The following FSHR variants were observed in gnomAD, a reference collection of about 807,000 sequenced individuals.
FSHR encodes the protein follicle-stimulating hormone receptor.
A neutral mutation model predicts 52.1 loss-of-function variants in FSHR; 46 were observed. The observed-to-expected ratio is 0.88, with a 90% CI of 0.70 to 1.13. The LOEUF is 1.13. Among genes scored for constraint, FSHR ranks in the 50% most tolerant of loss-of-function variants. The pLI is 0.00. For missense variants in FSHR, 964 were observed against 834.6 expected (o/e 1.16, Z -1.91); for synonymous variants, 399 against 309.6 (o/e 1.29, Z -3.03).
intron 2 of FSHR, among the ~76,000 whole-genome samples, chr2:49,061,324 A>G (rs1669280040): frequency 6.6e-6 from 1 of 151,994 alleles, no homozygotes; most frequent in African/African-American, 2.4e-5. Flanking sequence ...TCACCTGTAA[A>G]GACAAATATA....
At chr2:49,073,020 A>G (rs928681070) in intron 1 of FSHR, among the ~76,000 whole-genome samples, 1 of 152,150 alleles carries the variant, frequency 6.6e-6, no homozygotes, top group Non-Finnish European at 1.5e-5. Context: ...AAATATAGAT[A>G]AAGGCATTAT....
chr2:49,045,786 T>C (rs1324385003), intron 2 of FSHR, among the ~76,000 whole-genome samples: 1 of 152,178 alleles, frequency 6.6e-6, no homozygotes, highest in Non-Finnish European at 1.5e-5. Flanking sequence ...TGCCAAGTGC[T>C]CAACGCTGAG....
chr2:49,146,779 C>T (rs1350490692), intron 1 of FSHR, among the ~76,000 whole-genome samples: 1 of 152,050 alleles, frequency 6.6e-6, no homozygotes, highest in Non-Finnish European at 1.5e-5. Flanking sequence ...GATGAGTTTT[C>T]TCTCAATATC....
chr2:48,968,932 T>C (rs1674607052), intron 8 of FSHR, 49 bp from the exon 9 acceptor site: 1 of 1,562,520 alleles, frequency 6.4e-7, no homozygotes, highest in Non-Finnish European at 8.8e-7. Flanking sequence ...GACCTAAAAC[T>C]TTCTGCTCTT....
chr2:49,014,962 T>G (rs780880781), intron 4 of FSHR: 3 of 462,286 alleles, frequency 6.5e-6, no homozygotes, highest in Non-Finnish European at 8.9e-6. Context: ...AAGGGAGAGA[T>G]AGAGTTGGGA....
chr2:48,994,518 G>C (rs1675932336), intron 4 of FSHR, among the ~76,000 whole-genome samples: 1 of 152,046 alleles, frequency 6.6e-6, no homozygotes, highest in Non-Finnish European at 1.5e-5. Flanking sequence ...ATGGATTATT[G>C]GTGATAATTC....
intron 2 of FSHR, among the ~76,000 whole-genome samples, chr2:49,031,938 A>T (rs1284490534): frequency 1.3e-5 from 2 of 152,220 alleles, no homozygotes; most frequent in Non-Finnish European, 2.9e-5. Context: ...TAGTCTAGTG[A>T]CTATAAATCC....
At chr2:49,008,933 T>C (rs969213007) in intron 4 of FSHR, among the ~76,000 whole-genome samples, 1 of 152,146 alleles carries the variant, frequency 6.6e-6, no homozygotes, top group Non-Finnish European at 1.5e-5. Flanking sequence ...ACTAGCCCTT[T>C]GTCAGATAAG....
intron 4 of FSHR, among the ~76,000 whole-genome samples, chr2:49,004,035 C>T (rs926979395): frequency 5.3e-5 from 8 of 152,164 alleles, no homozygotes; most frequent in Admixed American, 2.6e-4. Flanking sequence ...GTTTATTTTC[C>T]ATGGAGGTGG....
intron 1 of FSHR, among the ~76,000 whole-genome samples, chr2:49,091,838 C>T (rs1360241138): frequency 4.6e-5 from 7 of 152,076 alleles, no homozygotes; most frequent in Non-Finnish European, 1.0e-4. Flanking sequence ...TCTTCTTTGT[C>T]AAAATTATTT....
intron 1 of FSHR, among the ~76,000 whole-genome samples, chr2:49,103,374 C>T (rs1671103700): frequency 6.6e-6 from 1 of 152,172 alleles, no homozygotes; most frequent in Admixed American, 6.5e-5. Context: ...TCTCACAACA[C>T]AGTCAGTCAT....
intron 1 of FSHR, among the ~76,000 whole-genome samples, chr2:49,139,758 C>G (rs1016782893): frequency 2.6e-5 from 4 of 151,808 alleles, no homozygotes; most frequent in Admixed American, 6.6e-5. Context: ...TGACCATGCC[C>G]GGCTAACTTT....
At chr2:49,048,269 A>G (rs1668731277) in intron 2 of FSHR, among the ~76,000 whole-genome samples, 1 of 152,082 alleles carries the variant, frequency 6.6e-6, no homozygotes, top group Non-Finnish European at 1.5e-5. Flanking sequence ...TGATAAAAAA[A>G]AAGTAAAATA....
intron 2 of FSHR, among the ~76,000 whole-genome samples, chr2:49,026,488 C>G (rs991799510): frequency 1.3e-5 from 2 of 152,152 alleles, no homozygotes; most frequent in Non-Finnish European, 2.9e-5. Flanking sequence ...GGGTGGCACA[C>G]AGAAGTTCAG....
chr2:49,053,073 T>C (rs1489336353), intron 2 of FSHR, among the ~76,000 whole-genome samples: 1 of 152,168 alleles, frequency 6.6e-6, no homozygotes, highest in African/African-American at 2.4e-5. Context: ...GAGGCTGGAG[T>C]GTCAGACTAG....
Position 49,154,304 on chromosome 2 carries a change from T to C in FSHR, c.114A>G (p.Thr38=). ...TCCTCGGGAGGTCAGAAGGAATCTCTGTCACCTTGCTCTCTTGGCAGAGAA... is the reference window on the plus strand; with the variant it reads ...TCCTCGGGAGGTCAGAAGGAATCTCCGTCACCTTGCTCTCTTGGCAGAGAA... ...RVFLCQESKV[T]EIPSDLPRNA... Residue 38 remains threonine (T), a synonymous_variant, in exon 1 of 10, where the codon ACA becomes ACG. Coordinates refer to ENST00000406846, the MANE Select transcript of FSHR (RefSeq NM_000145.4). The C allele has an allele frequency of 1.2e-6, 2 of 1,613,948 alleles. No homozygotes were observed.
Position 48,963,712 on chromosome 2 carries a change from C to CATAT in FSHR, c.1105_1108dup (p.Trp370TyrfsTer25). 1 of 1,614,112 alleles carries CATAT rather than the reference C, an allele frequency of 6.2e-7. No individual in the cohort carries two copies. Among genetic ancestry groups the CATAT allele is most frequent in the Non-Finnish European group, 8.5e-7 (1 of 1,180,004 alleles). On this transcript the variant is annotated frameshift_variant, in exon 10 of 10. Coordinates refer to ENST00000406846, the MANE Select transcript of FSHR (RefSeq NM_000145.4). LOFTEE classifies it high-confidence loss of function. ...AGTGATGGCCAGGATGCTGATAAAC[C>CATAT]ATATCAGGACTCTGAGGATGTTGTA...
chr2:49,134,862 C>A (rs936574742), intron 1 of FSHR, among the ~76,000 whole-genome samples: 5 of 151,728 alleles, frequency 3.3e-5, no homozygotes, highest in Non-Finnish European at 4.4e-5. Context: ...GGGAATTGAA[C>A]AATGAGATCA....
intron 2 of FSHR, among the ~76,000 whole-genome samples, chr2:49,049,910 G>C (rs1053138167): frequency 6.7e-5 from 10 of 149,952 alleles, no homozygotes; most frequent in African/African-American, 2.5e-4. Context: ...TAAATACAAA[G>C]CTAATAAATT....
Sources: allele counts gnomAD v4.1 joint callset (sites outside exome capture counted in the v4.1 genomes callset), GRCh38; gene constraint gnomAD v4.1.1; transcripts MANE v1.5; gene names NCBI Gene and HGNC (gene_info 2026-07-23, HGNC 2026-07-21).